Variants in SLIT2 observed in about 807,000 individuals in gnomAD.
The protein encoded by SLIT2 is slit homolog 2 protein.
Under a neutral mutation model 185.7 loss-of-function variants are expected in SLIT2, and 41 were observed. The ratio of observed to expected loss-of-function variants is 0.22; its 90% CI spans 0.17 to 0.29. SLIT2 has a LOEUF of 0.29. Among genes scored for constraint, SLIT2 ranks in the 10% least tolerant of loss-of-function variants. The pLI, the probability that SLIT2 is intolerant of heterozygous loss-of-function variation, is 1.00. For missense variants in SLIT2, 1,571 were observed against 1,909.0 expected (o/e 0.82, Z 3.30); for synonymous variants, 693 against 680.2 (o/e 1.02, Z -0.29).
chr4:20,304,906 A>G (rs1176697747), intron 4 of SLIT2, among the ~76,000 whole-genome samples: 2 of 152,202 alleles, frequency 1.3e-5, no homozygotes, highest in Non-Finnish European at 2.9e-5. Flanking sequence ...TAACTTCAAA[A>G]TGAATGGAGA....
intron 4 of SLIT2, among the ~76,000 whole-genome samples, chr4:20,373,382 C>T (rs1020966472): frequency 6.6e-6 from 1 of 151,952 alleles, no homozygotes; most frequent in African/African-American, 2.4e-5. Flanking sequence ...AAAATAATTT[C>T]TCCTATTTGC....
intron 4 of SLIT2, among the ~76,000 whole-genome samples, chr4:20,387,747 A>G (rs914358380): frequency 1.3e-5 from 2 of 152,232 alleles, no homozygotes; most frequent in Middle Eastern, 3.4e-3. Context: ...CAGCAAGACA[A>G]TGAAGACCTC....
At chr4:20,309,926 A>AT (rs1383709310) in intron 4 of SLIT2, among the ~76,000 whole-genome samples, 1 of 151,502 alleles carries the variant, frequency 6.6e-6, no homozygotes, top group East Asian at 1.9e-4. Flanking sequence ...CGCCTGGCTA[A>AT]TTTTTTGTAT....
chr4:20,406,016 T>G (rs1726751963), intron 4 of SLIT2, among the ~76,000 whole-genome samples: 1 of 114,718 alleles, frequency 8.7e-6, no homozygotes. Flanking sequence ...ACTTTTGAGC[T>G]AATTCAGCCC....
At chr4:20,503,378 G>T (rs2148815904) in intron 9 of SLIT2, among the ~76,000 whole-genome samples, 1 of 152,210 alleles carries the variant, frequency 6.6e-6, no homozygotes, top group South Asian at 2.1e-4. Flanking sequence ...TTAGCAAGCT[G>T]GAGAGTTAGC....
At chr4:20,589,986 A>G (rs763181352) in intron 30 of SLIT2, among the ~76,000 whole-genome samples, 8 of 144,422 alleles carry the variant, frequency 5.5e-5, no homozygotes, top group Non-Finnish European at 1.2e-4. Flanking sequence ...GCTCACTACA[A>G]CCTCCTCCTC....
chr4:20,493,283 C>CA (rs1329862296), intron 9 of SLIT2, among the ~76,000 whole-genome samples: 3 of 152,090 alleles, frequency 2.0e-5, no homozygotes, highest in Non-Finnish European at 4.4e-5. Context: ...TTTAAAACTA[C>CA]AGATTACTGA....
rs535937760 is a variant in SLIT2 at position 20,443,957 on chromosome 4, CA to C, written c.396-23793del. On this transcript the variant is annotated intron_variant, in intron 4 of 36. Transcript: ENST00000504154. ...GAAAAGTCTACTGGTTTGGCAGGTA[CA>C]ATACCATTTGACTAGAAAGGAGAAA... Among the ~76,000 whole-genome samples, 141 of 152,148 alleles carry C rather than the reference CA, an allele frequency of 9.3e-4. 2 individuals are homozygous for C. Among genetic ancestry groups the C allele is most frequent in the African/African-American group, 3.3e-3 (136 of 41,486 alleles).
At chr4:20,409,551 T>C (rs1727039883) in intron 4 of SLIT2, among the ~76,000 whole-genome samples, 1 of 152,348 alleles carries the variant, frequency 6.6e-6, no homozygotes, top group African/African-American at 2.4e-5. Context: ...TGTATCTTTA[T>C]AATAGAATGA....
In SLIT2 at chr4:20,275,496, G is replaced by C. The variant is rs564046148; in HGVS notation, c.395+6615G>C. ...CTTTCATTGCAAGCAAGATGGAAAT[G>C]ATAGTCACTCAGATGTCCTTGCAAC... On this transcript the variant is annotated intron_variant, in intron 4 of 36. Coordinates refer to ENST00000504154, the MANE Select transcript of SLIT2 (RefSeq NM_004787.4). Among the ~76,000 whole-genome samples, 10 of 152,288 alleles carry C rather than the reference G, an allele frequency of 6.6e-5. No individual in the cohort carries two copies. In the South Asian group the frequency reaches 1.7e-3, roughly 25 times the overall value.
chr4:20,526,484 C>T (rs574967137), intron 15 of SLIT2, among the ~76,000 whole-genome samples: 1 of 152,148 alleles, frequency 6.6e-6, no homozygotes, highest in South Asian at 2.1e-4. Context: ...TAGAATAAAA[C>T]ATTAATATGA....
At chr4:20,478,093 G>T (rs1163951460) in intron 5 of SLIT2, among the ~76,000 whole-genome samples, 1 of 152,130 alleles carries the variant, frequency 6.6e-6, no homozygotes, top group African/African-American at 2.4e-5. Context: ...GACAAATGAA[G>T]GTCTGTTGGG....
At chr4:20,265,238 A>C (rs1224000518) in intron 3 of SLIT2, among the ~76,000 whole-genome samples, 1 of 151,968 alleles carries the variant, frequency 6.6e-6, no homozygotes, top group Non-Finnish European at 1.5e-5. Context: ...ATAGTCTTTA[A>C]AATAAGTTTA....
At chr4:20,526,303 G>A (rs1043997497) in intron 15 of SLIT2, among the ~76,000 whole-genome samples, 9 of 152,046 alleles carry the variant, frequency 5.9e-5, no homozygotes, top group African/African-American at 2.2e-4. Flanking sequence ...ATGATCAATA[G>A]CATTGTATAT....
chr4:20,452,363 T>G (rs1712565146), intron 4 of SLIT2, among the ~76,000 whole-genome samples: 1 of 152,206 alleles, frequency 6.6e-6, no homozygotes, highest in South Asian at 2.1e-4. Flanking sequence ...TTCTTCTTAG[T>G]GTTGTGAATA....
At chr4:20,540,181 G>C (rs551465254) in intron 19 of SLIT2, among the ~76,000 whole-genome samples, 2 of 151,972 alleles carry the variant, frequency 1.3e-5, no homozygotes, top group Non-Finnish European at 2.9e-5. Flanking sequence ...CCAGCTACTC[G>C]GGAGGGTGAG....
At chr4:20,510,893 A>T (rs1198252049) in intron 10 of SLIT2, among the ~76,000 whole-genome samples, 173 bp from the exon 11 acceptor site, 2 of 152,200 alleles carry the variant, frequency 1.3e-5, no homozygotes, top group Admixed American at 6.5e-5. Flanking sequence ...TGGTTATTTT[A>T]AAAAGTATGA....
At position 20,548,978 on chromosome 4, in the gene SLIT2, C is replaced by T. The variant is rs1240710340; in HGVS notation, c.2418-79C>T. ...CAGTTAATAAGATGCTTTAATAAGC[C>T]TTAACTGCTTTATTTTTGGAAGTAT... On this transcript the variant is annotated intron_variant, in intron 23 of 36. Transcript: ENST00000504154. The T allele has an allele frequency of 4.1e-5, 33 of 796,684 alleles. 1 individual carries two copies. In the Admixed American group the frequency reaches 5.2e-4, roughly 12 times the overall value. 49.4% of individuals were successfully genotyped at this position (796,684 alleles called of 1,614,324 possible). A position where few individuals can be genotyped will look rare whatever the true frequency, so the allele number is the denominator to read the frequency against.
At chr4:20,358,946 T>A (rs6819491) in intron 4 of SLIT2, among the ~76,000 whole-genome samples, 32,449 of 151,908 alleles carry the variant, frequency 0.21, 3,750 homozygotes, top group Non-Finnish European at 0.27. Context: ...CGGACAATCA[T>A]TTTGGGTTCT....
Sources: gnomAD v4.1 joint callset for allele counts (sites outside exome capture counted in the v4.1 genomes callset) on GRCh38, gnomAD v4.1.1 for gene constraint, MANE v1.5 for transcripts, NCBI Gene and HGNC (gene_info 2026-07-23, HGNC 2026-07-21) for gene names.